Variants in CADM2 observed in about 807,000 individuals in gnomAD.
CADM2 encodes the protein cell adhesion molecule 2.
A neutral mutation model predicts 49.8 loss-of-function variants in CADM2; 12 were observed. The ratio of observed to expected loss-of-function variants is 0.24; its 90% CI spans 0.15 to 0.39. The LOEUF (loss-of-function observed/expected upper bound fraction) is 0.39. Ranked by LOEUF, CADM2 falls within the 10% of genes least tolerant of loss-of-function variation. The pLI is 1.00. For synonymous variants in CADM2, 214 were observed against 175.4 expected (o/e 1.22, Z -1.74); for missense variants, 378 against 492.3 (o/e 0.77, Z 2.20).
rs915762051 is a variant in CADM2 at position 85,292,532 on chromosome 3, C to G, written c.61+332864C>G. Reference sequence around the variant, plus strand: ...CACCTATTCCAAAATTGACCACATACTTGGAAGTAAAGCTCTCCTCAGCAA... The same window carrying G: ...CACCTATTCCAAAATTGACCACATAGTTGGAAGTAAAGCTCTCCTCAGCAA... On this transcript the variant is annotated intron_variant, in intron 1 of 9. Coordinates refer to ENST00000383699, the MANE Select transcript of CADM2 (RefSeq NM_001167675.2). Among the ~76,000 whole-genome samples, 205 of 151,782 alleles carry G rather than the reference C, an allele frequency of 1.4e-3. 1 individual carries two copies. The Middle Eastern group carries it at 0.017, about 13-fold the overall frequency.
chr3:84,967,711 G>A (rs2031108551), intron 1 of CADM2, among the ~76,000 whole-genome samples: 1 of 152,172 alleles, frequency 6.6e-6, no homozygotes, highest in Admixed American at 6.5e-5. Context: ...GAATAAAGAA[G>A]TGTTTTGCTA....
At chr3:85,899,292 G>T (rs1363011882) in intron 5 of CADM2, among the ~76,000 whole-genome samples, 1 of 151,960 alleles carries the variant, frequency 6.6e-6, no homozygotes, top group Non-Finnish European at 1.5e-5. Context: ...TTAGTTTTAT[G>T]AATCATGCTT....
chr3:86,073,449 T>C lies in CADM2; in HGVS notation c.*6666T>C, dbSNP rs1703389127. 6.6e-6 allele frequency: 1 copy of C among 152,166 alleles called. No individual in the cohort carries two copies. The highest frequency in any genetic ancestry group is 1.9e-4 in the East Asian group (1 of 5,178). 9.4% of individuals were successfully genotyped at this position (152,166 alleles called of 1,614,324 possible). On this transcript the variant is annotated 3_prime_UTR_variant, in exon 10 of 10. Coordinates refer to ENST00000383699, the MANE Select transcript of CADM2 (RefSeq NM_001167675.2). Reference sequence around the variant, plus strand: ...ACAAAATGCATATTGTAATATTTGGTACATGACACTTGCATGTTGATATGC... The same window carrying C: ...ACAAAATGCATATTGTAATATTTGGCACATGACACTTGCATGTTGATATGC...
chr3:85,255,770 G>T (rs906736042), intron 1 of CADM2, among the ~76,000 whole-genome samples: 3 of 151,758 alleles, frequency 2.0e-5, no homozygotes, highest in Non-Finnish European at 4.4e-5. Context: ...TCCTTATCTT[G>T]TCTCTTCTTT....
At chr3:85,875,208 T>A (rs1156746357) in intron 3 of CADM2, among the ~76,000 whole-genome samples, 2 of 152,192 alleles carry the variant, frequency 1.3e-5, no homozygotes, top group Non-Finnish European at 2.9e-5. Flanking sequence ...GATTTGCTTG[T>A]TTGATATTTT....
At chr3:85,356,121 C>T (rs551143360) in intron 1 of CADM2, among the ~76,000 whole-genome samples, 1 of 152,094 alleles carries the variant, frequency 6.6e-6, no homozygotes, top group Admixed American at 6.6e-5. Flanking sequence ...CCAACCCTCA[C>T]TAGCTGCCTA....
intron 1 of CADM2, among the ~76,000 whole-genome samples, chr3:85,311,704 T>C (rs1367796564): frequency 2.0e-5 from 3 of 152,150 alleles, no homozygotes; most frequent in Non-Finnish European, 4.4e-5. Context: ...AGTTGGGACT[T>C]ATCATCATAT....
intron 1 of CADM2, among the ~76,000 whole-genome samples, chr3:85,399,634 T>C (rs577090696): frequency 2.1e-4 from 32 of 152,342 alleles, no homozygotes; most frequent in African/African-American, 7.7e-4. Context: ...CATTTGTATG[T>C]GTCCTCTTTT....
chr3:86,021,484 G>A (rs1185845046), intron 8 of CADM2, among the ~76,000 whole-genome samples: 1 of 152,032 alleles, frequency 6.6e-6, no homozygotes, highest in Non-Finnish European at 1.5e-5. Flanking sequence ...ATTTTTAACA[G>A]ATTATCTCAT....
Position 85,356,547 on chromosome 3 carries a change from C to T in CADM2, c.62-369975C>T, listed in dbSNP as rs535611938. Among the ~76,000 whole-genome samples, 15 of 152,060 alleles carry T rather than the reference C, an allele frequency of 9.9e-5. No individual in the cohort carries two copies. The South Asian group carries it at 1.5e-3, about 15-fold the overall frequency. The stretch of plus-strand genomic sequence containing the variant: ...AGAAAAGATAATACAATGAGATCTG[C>T]GTTTTGAAAAGATGCCTAAGATGTA... On this transcript the variant is annotated intron_variant, in intron 1 of 9. Transcript: ENST00000383699.
At chr3:85,881,254 C>T (rs1236559900) in intron 3 of CADM2, among the ~76,000 whole-genome samples, 1 of 151,926 alleles carries the variant, frequency 6.6e-6, no homozygotes, top group Non-Finnish European at 1.5e-5. Flanking sequence ...TTTTTAATAA[C>T]ATTTTTCATG....
chr3:85,404,488 G>A (rs1016491384), intron 1 of CADM2, among the ~76,000 whole-genome samples: 1 of 152,042 alleles, frequency 6.6e-6, no homozygotes, highest in Non-Finnish European at 1.5e-5. Flanking sequence ...AGCCTATGGT[G>A]GAAAACATAT....
intron 1 of CADM2, among the ~76,000 whole-genome samples, chr3:85,666,023 G>A (rs2065555138): frequency 6.6e-6 from 1 of 151,992 alleles, no homozygotes; most frequent in Non-Finnish European, 1.5e-5. Context: ...TCCTTAAGCT[G>A]ATAAGCAACT....
chr3:86,057,850 A>G (rs1013161033), intron 8 of CADM2, among the ~76,000 whole-genome samples: 4 of 152,172 alleles, frequency 2.6e-5, no homozygotes, highest in Admixed American at 2.6e-4. Flanking sequence ...AAAGGAATAC[A>G]GACTATGTGG....
chr3:85,421,945 A>G (rs969417696), intron 1 of CADM2, among the ~76,000 whole-genome samples: 1 of 152,256 alleles, frequency 6.6e-6, no homozygotes, highest in African/African-American at 2.4e-5. Context: ...AGACAAAAAC[A>G]TAGTAAGTTG....
intron 7 of CADM2, among the ~76,000 whole-genome samples, chr3:85,946,367 T>A (rs1257125345): frequency 1.3e-5 from 2 of 151,662 alleles, no homozygotes; most frequent in Non-Finnish European, 2.9e-5. Flanking sequence ...AGGTAATTTA[T>A]AGATTCAATG....
chr3:85,403,207 C>A (rs1232593931), intron 1 of CADM2, among the ~76,000 whole-genome samples: 1 of 152,128 alleles, frequency 6.6e-6, no homozygotes, highest in Non-Finnish European at 1.5e-5. Context: ...ATGATGATTT[C>A]GTATTGTTCA....
At chr3:85,013,921 TATATATACGCAGTGTAATAATATTGTATA>T (rs1414508511) in intron 1 of CADM2, among the ~76,000 whole-genome samples, 49 of 146,888 alleles carry the variant, frequency 3.3e-4, no homozygotes, top group Admixed American at 4.8e-4. Flanking sequence ...AGTACAATAT[TATATATACGCAGTGTAATAATATTGTATA>T]TTATATATAC....
intron 8 of CADM2, among the ~76,000 whole-genome samples, chr3:85,979,949 G>A (rs1394606239): frequency 1.3e-5 from 2 of 151,392 alleles, no homozygotes; most frequent in Admixed American, 6.6e-5. Context: ...ACCTTAAAAA[G>A]GTGGGAATAT....
Sources: gnomAD v4.1 joint callset for allele counts (sites outside exome capture counted in the v4.1 genomes callset) on GRCh38, gnomAD v4.1.1 for gene constraint, MANE v1.5 for transcripts, NCBI Gene and HGNC (gene_info 2026-07-23, HGNC 2026-07-21) for gene names.